Variants in CCDC146 observed in about 807,000 individuals in gnomAD.
CCDC146 encodes the protein coiled-coil domain-containing protein 146.
A neutral mutation model predicts 119.3 loss-of-function variants in CCDC146; 92 were observed. The ratio of observed to expected loss-of-function variants is 0.77; its 90% CI spans 0.65 to 0.92. The LOEUF (loss-of-function observed/expected upper bound fraction) is 0.92, where lower values mean the gene tolerates loss of function less well. Ranked by LOEUF, CCDC146 falls within the 40% of genes least tolerant of loss-of-function variation. The pLI is 0.00. For missense variants in CCDC146, 1,000 were observed against 1,103.0 expected, an observed-to-expected ratio of 0.91 and a Z score of 1.32; for synonymous variants, 372 against 371.8, an observed-to-expected ratio of 1.00 and a Z score of -0.01.
At chr7:77,133,215 T>A (rs1790811741) in intron 1 of CCDC146, among the ~76,000 whole-genome samples, 1 of 152,072 alleles carries the variant, frequency 6.6e-6, no homozygotes. Flanking sequence ...CGATTCCTGA[T>A]AAAAACTCTC....
At chr7:77,231,525 T>C (rs1387409659) in intron 2 of CCDC146, among the ~76,000 whole-genome samples, 2 of 152,050 alleles carry the variant, frequency 1.3e-5, no homozygotes, top group Admixed American at 6.6e-5. Flanking sequence ...CACTACTGCC[T>C]TCTCTACTGA....
intron 9 of CCDC146, among the ~76,000 whole-genome samples, chr7:77,269,732 C>A (rs1235455698): frequency 6.6e-6 from 1 of 152,166 alleles, no homozygotes; most frequent in African/African-American, 2.4e-5. Flanking sequence ...ATAAAACTAA[C>A]AGAAATTAAA....
intron 2 of CCDC146, among the ~76,000 whole-genome samples, chr7:77,214,229 A>G (rs1792257056): frequency 6.6e-6 from 1 of 151,998 alleles, no homozygotes; most frequent in African/African-American, 2.4e-5. Context: ...ATTTTTTCAT[A>G]TGATTGTTTA....
intron 1 of CCDC146, among the ~76,000 whole-genome samples, chr7:77,134,985 AACTGC>A (rs1790841983): frequency 6.6e-6 from 1 of 152,222 alleles, no homozygotes; most frequent in African/African-American, 2.4e-5. Context: ...TTTGTTTTTG[AACTGC>A]ATAGTGGTAG....
chr7:77,280,664 GGT>G lies in CCDC146; in HGVS notation c.1919+15_1919+16del, dbSNP rs1793746283. The G allele has an allele frequency of 6.3e-7, 1 of 1,593,862 alleles. No individual in the cohort carries two copies. The highest frequency in any genetic ancestry group is 1.3e-5 in the African/African-American group (1 of 74,272). On this transcript the variant is annotated intron_variant, in intron 14 of 18. Transcript: ENST00000285871. ...GCATCGAAATGAAAGGTAAAAACCA[GGT>G]GTGAGAACAGAGCACCAGGGATCCA...
At chr7:77,243,858 A>G (rs1792895382) in intron 4 of CCDC146, among the ~76,000 whole-genome samples, 1 of 151,994 alleles carries the variant, frequency 6.6e-6, no homozygotes, top group Non-Finnish European at 1.5e-5. Context: ...GTGTGTGTTT[A>G]TGTCTGTTTT....
intron 9 of CCDC146, among the ~76,000 whole-genome samples, chr7:77,268,144 T>G (rs1793443140): frequency 6.6e-6 from 1 of 152,228 alleles, no homozygotes; most frequent in Non-Finnish European, 1.5e-5. Flanking sequence ...TGGTAGAGTA[T>G]CTTAAATTTT....
At chr7:77,292,841 T>C in intron 17 of CCDC146, 111 bp from the exon 18 acceptor site, 1 of 1,123,726 alleles carries the variant, frequency 8.9e-7, no homozygotes, top group Non-Finnish European at 1.3e-6. Flanking sequence ...AGTTAGACCC[T>C]CCTTCCTTCA....
At position 77,294,696 on chromosome 7, in the gene CCDC146, A is replaced by G. The variant is rs1312558570; in HGVS notation, c.2698A>G (p.Asn900Asp). Residue 900 changes from asparagine to aspartate, a missense_variant, in exon 19 of 19, where the codon AAT becomes GAT. Physicochemically the swap from Asn to Asp is conservative, Grantham distance 23. Around this residue, in one of 2 missense-constraint regions of CCDC146, gnomAD observed 985 missense variants for 1,045.3 expected, o/e 0.94. Transcript: ENST00000285871. ...FLEADNRQLP[N>D]GVYTTAEQRP... Reference sequence around the variant, plus strand: ...GGAAGCAGATAATCGCCAGCTGCCCAATGGTGTTTACACAACTGCAGAGCA... The same window carrying G: ...GGAAGCAGATAATCGCCAGCTGCCCGATGGTGTTTACACAACTGCAGAGCA... The G allele has an allele frequency of 1.2e-6, 2 of 1,614,176 alleles. No individual in the cohort carries two copies. Among genetic ancestry groups the G allele is most frequent in the Non-Finnish European group, 1.7e-6 (2 of 1,180,020 alleles).
At chr7:77,134,406 G>A (rs1406714354) in intron 1 of CCDC146, among the ~76,000 whole-genome samples, 1 of 152,052 alleles carries the variant, frequency 6.6e-6, no homozygotes, top group Non-Finnish European at 1.5e-5. Flanking sequence ...GAACAGCAAG[G>A]GCAATCAATA....
chr7:77,148,350 G>C (rs1383430239), intron 1 of CCDC146, among the ~76,000 whole-genome samples: 2 of 152,144 alleles, frequency 1.3e-5, no homozygotes, highest in African/African-American at 4.8e-5. Flanking sequence ...CTGACCCCTT[G>C]TGCTTCCTGG....
chr7:77,150,990 G>A (rs1457435819), intron 1 of CCDC146, among the ~76,000 whole-genome samples: 1 of 152,192 alleles, frequency 6.6e-6, no homozygotes, highest in Non-Finnish European at 1.5e-5. Context: ...CTATGAAAAA[G>A]TACTGTAGAC....
chr7:77,195,511 C>A (rs1382756593), intron 2 of CCDC146: 1 of 152,012 alleles, frequency 6.6e-6, no homozygotes, highest in African/African-American at 2.4e-5. Context: ...TGTTCTGTTG[C>A]AAAGTAAATG....
chr7:77,141,058 A>C (rs1790925054), intron 1 of CCDC146, among the ~76,000 whole-genome samples: 1 of 151,926 alleles, frequency 6.6e-6, no homozygotes, highest in Non-Finnish European at 1.5e-5. Context: ...TCCTAATGCT[A>C]TCCCTCCCCT....
intron 8 of CCDC146, 76 bp from the exon 9 acceptor site, chr7:77,262,045 T>C: frequency 8.1e-7 from 1 of 1,227,092 alleles, no homozygotes; most frequent in Admixed American, 2.4e-5. Flanking sequence ...CAGCATGCTG[T>C]CTTGATAAGT....
At chr7:77,130,601 T>TC (rs1790768169) in intron 1 of CCDC146, among the ~76,000 whole-genome samples, 1 of 147,384 alleles carries the variant, frequency 6.8e-6, no homozygotes, top group Admixed American at 6.7e-5. Context: ...TTCTTTCTTT[T>TC]TTTTTTTTTT....
intron 14 of CCDC146, 45 bp from the exon 15 acceptor site, chr7:77,282,512 T>C (rs1290543897): frequency 7.6e-7 from 1 of 1,323,440 alleles, no homozygotes; most frequent in East Asian, 2.4e-5. Flanking sequence ...AGTAAAACGG[T>C]GGTCTCAATG....
intron 1 of CCDC146, 49 bp from the exon 2 acceptor site, chr7:77,167,604 CTTTAT>C (rs1331556081): frequency 2.4e-6 from 3 of 1,259,168 alleles, no homozygotes; most frequent in East Asian, 3.0e-5. Context: ...ATTAATTTTA[CTTTAT>C]AAGTGAAGAC....
chr7:77,213,594 C>G (rs1297192932), intron 2 of CCDC146, among the ~76,000 whole-genome samples: 1 of 152,044 alleles, frequency 6.6e-6, no homozygotes, highest in Non-Finnish European at 1.5e-5. Flanking sequence ...GAATATAGTA[C>G]CCAGTAGGCA....
Sources: allele counts gnomAD v4.1 joint callset (sites outside exome capture counted in the v4.1 genomes callset), GRCh38; gene constraint gnomAD v4.1.1; regional missense constraint gnomAD v4.1.1; transcripts MANE v1.5; gene names NCBI Gene and HGNC (gene_info 2026-07-23, HGNC 2026-07-21).